Variants in BTRC observed in about 807,000 individuals in gnomAD.
BTRC encodes the protein beta-transducin repeat containing E3 ubiquitin protein ligase, also known as F-box/WD repeat-containing protein 1A.
BTRC carries 42 observed loss-of-function variants against 85.5 expected under a neutral mutation model. The ratio of observed to expected loss-of-function variants is 0.49; its 90% CI spans 0.38 to 0.64. BTRC has a LOEUF of 0.64. BTRC is among the 30% of genes least tolerant of loss of function. The pLI, the probability that BTRC is intolerant of heterozygous loss-of-function variation, is 0.00. For synonymous variants in BTRC, 255 were observed against 263.3 expected, an observed-to-expected ratio of 0.97 and a Z score of 0.30; for missense variants, 594 against 743.5, an observed-to-expected ratio of 0.80 and a Z score of 2.34.
At chr10:101,449,997 TA>T (rs58259295) in intron 2 of BTRC, among the ~76,000 whole-genome samples, 310 of 143,698 alleles carry the variant, frequency 2.2e-3, no homozygotes, top group Middle Eastern at 7.3e-3. Context: ...GATAAAAATG[TA>T]AAAAAAAAAA....
At chr10:101,385,101 T>C (rs1053523137) in intron 1 of BTRC, among the ~76,000 whole-genome samples, 3 of 151,702 alleles carry the variant, frequency 2.0e-5, no homozygotes, top group East Asian at 1.9e-4. Context: ...GGCATGGTGG[T>C]GCACACCTGT....
chr10:101,442,427 A>G (rs1278607753), intron 2 of BTRC, among the ~76,000 whole-genome samples: 3 of 152,072 alleles, frequency 2.0e-5, no homozygotes, highest in Non-Finnish European at 4.4e-5. Context: ...CGTGGTCTCC[A>G]GGGAAGAGAA....
chr10:101,477,916 T>G (rs1199749096), intron 3 of BTRC, among the ~76,000 whole-genome samples: 1 of 152,062 alleles, frequency 6.6e-6, no homozygotes, highest in Non-Finnish European at 1.5e-5. Context: ...TCCCAAAGTG[T>G]TAGGATTACA....
chr10:101,482,393 C>CTTTTTTTTTTTTTTTTTTTTTTTTTT, intron 4 of BTRC, among the ~76,000 whole-genome samples: 2 of 99,814 alleles, frequency 2.0e-5, no homozygotes, highest in Non-Finnish European at 4.2e-5. Flanking sequence ...TTGTTTGTTT[C>CTTTTTTTTTTTTTTTTTTTTTTTTTT]TTTTTTTTTT....
chr10:101,525,899 C>G, intron 5 of BTRC, 114 bp from the exon 6 acceptor site: 1 of 1,011,114 alleles, frequency 9.9e-7, no homozygotes, highest in Non-Finnish European at 1.4e-6. Flanking sequence ...ACACTAGGGA[C>G]AATGATGTGC....
chr10:101,474,011 T>A lies in BTRC; in HGVS notation c.235-5357T>A, dbSNP rs554992546. On this transcript the variant is annotated intron_variant, in intron 3 of 14. Coordinates refer to ENST00000370187, the MANE Select transcript of BTRC (RefSeq NM_033637.4). Reference sequence around the variant, plus strand: ...CATCTGTTTATTCATTGTGATCATATCTTTTATTGCTATGTTCAAGTTTGA... The same window carrying A: ...CATCTGTTTATTCATTGTGATCATAACTTTTATTGCTATGTTCAAGTTTGA... Among the ~76,000 whole-genome samples the A allele has an allele frequency of 3.7e-4, 56 of 152,346 alleles. 2 individuals carry two copies. In the South Asian group the frequency reaches 0.011, roughly 30 times the overall value.
Position 101,532,797 on chromosome 10 carries a change from T to TGTGC in BTRC, c.979-154_979-153insTGCG, listed in dbSNP as rs1554895742. Reference sequence around the variant, plus strand: ...GTGTGTGTGTGTGTGTGTGCGCGTGTGCGCGCGCGCGCGCTTAGCTATACC... The same window carrying TGTGC: ...GTGTGTGTGTGTGTGTGTGCGCGTGTGTGCGCGCGCGCGCGCGCTTAGCTATACC... On this transcript the variant is annotated intron_variant, in intron 8 of 14. Coordinates refer to ENST00000370187, the MANE Select transcript of BTRC (RefSeq NM_033637.4). Among the ~76,000 whole-genome samples, 57 of 141,284 alleles carry TGTGC rather than the reference T, an allele frequency of 4.0e-4. 2 individuals are homozygous for TGTGC. The highest frequency in any genetic ancestry group is 1.5e-3 in the Admixed American group (22 of 14,274). The allele number at this position is 141,284 out of a possible 152,430, so 92.7% of individuals were successfully genotyped here.
intron 2 of BTRC, among the ~76,000 whole-genome samples, chr10:101,457,688 A>T (rs918410834): frequency 6.6e-6 from 1 of 152,174 alleles, no homozygotes; most frequent in Non-Finnish European, 1.5e-5. Context: ...TGAGCAGTCA[A>T]GTTTGCTTAG....
chr10:101,399,399 G>A (rs1943443073), intron 1 of BTRC, among the ~76,000 whole-genome samples: 1 of 140,190 alleles, frequency 7.1e-6, no homozygotes, highest in Admixed American at 7.6e-5. Context: ...AGCAGGTCAT[G>A]TATGACTCAT....
intron 7 of BTRC, among the ~76,000 whole-genome samples, 187 bp downstream of exon 7, chr10:101,531,520 G>T (rs1423965656): frequency 6.6e-6 from 1 of 151,946 alleles, no homozygotes; most frequent in African/African-American, 2.4e-5. Flanking sequence ...AGGAGTTTGA[G>T]ACCAGCCTGG....
chr10:101,405,936 C>T (rs945387189), intron 1 of BTRC, among the ~76,000 whole-genome samples: 2 of 152,070 alleles, frequency 1.3e-5, no homozygotes, highest in Non-Finnish European at 2.9e-5. Context: ...GTGAAGTGTT[C>T]TAGATAAATC....
In BTRC at chr10:101,423,089, A is replaced by G. The variant is rs184780192; in HGVS notation, c.49-7256A>G. The stretch of plus-strand genomic sequence containing the variant: ...AATTTTTTTTATTTTCCAGTTTTTC[A>G]TAAAAATAGAGATGGGGTCTAGTTA... On this transcript the variant is annotated intron_variant, in intron 1 of 14. Transcript: ENST00000370187. Among the ~76,000 whole-genome samples the G allele has an allele frequency of 2.0e-5, 3 of 151,902 alleles. No individual in the cohort carries two copies. In the East Asian group the frequency reaches 5.8e-4, roughly 29 times the overall value.
chr10:101,380,699 C>G (rs976978263), intron 1 of BTRC, among the ~76,000 whole-genome samples: 2 of 152,070 alleles, frequency 1.3e-5, no homozygotes, highest in Non-Finnish European at 2.9e-5. Context: ...TGATTGAAAC[C>G]ACTATTGGCA....
At chr10:101,456,280 G>A (rs1368616678) in intron 2 of BTRC, among the ~76,000 whole-genome samples, 2 of 152,192 alleles carry the variant, frequency 1.3e-5, no homozygotes, top group Non-Finnish European at 2.9e-5. Flanking sequence ...GCACTGGTAA[G>A]AGGTGTTGTG....
At chr10:101,499,577 A>G (rs1946352834) in intron 4 of BTRC, among the ~76,000 whole-genome samples, 1 of 151,732 alleles carries the variant, frequency 6.6e-6, no homozygotes. Context: ...CACCTCCATA[A>G]ATAAAGCCCT....
At chr10:101,430,922 AT>A (rs1033580627) in intron 2 of BTRC, among the ~76,000 whole-genome samples, 2 of 151,982 alleles carry the variant, frequency 1.3e-5, no homozygotes, top group Non-Finnish European at 2.9e-5. Context: ...CTAAGTATAT[AT>A]TTTTTATAAC....
chr10:101,508,657 G>A (rs1946603372), intron 4 of BTRC, among the ~76,000 whole-genome samples: 1 of 152,172 alleles, frequency 6.6e-6, no homozygotes, highest in African/African-American at 2.4e-5. Flanking sequence ...GCTCACGCCT[G>A]TAATCCCAGC....
intron 1 of BTRC, among the ~76,000 whole-genome samples, chr10:101,419,126 T>C (rs1944029484): frequency 6.6e-6 from 1 of 151,862 alleles, no homozygotes; most frequent in Non-Finnish European, 1.5e-5. Context: ...TTCTCCTGCC[T>C]CAGCCTCTGG....
At chr10:101,436,947 G>A (rs2134098696) in intron 2 of BTRC, among the ~76,000 whole-genome samples, 1 of 152,260 alleles carries the variant, frequency 6.6e-6, no homozygotes, top group African/African-American at 2.4e-5. Flanking sequence ...TTACATTTGA[G>A]ATTTTAGAGG....
Sources: allele counts gnomAD v4.1 joint callset (sites outside exome capture counted in the v4.1 genomes callset), GRCh38; gene constraint gnomAD v4.1.1; transcripts MANE v1.5; gene names NCBI Gene and HGNC (gene_info 2026-07-23, HGNC 2026-07-21).